The following ADGRL3 variants were observed in gnomAD, a reference collection of about 807,000 sequenced individuals.
ADGRL3 encodes calcium-independent alpha-latrotoxin receptor 3.
ADGRL3 carries 62 observed loss-of-function variants against 153.5 expected under a neutral mutation model. The ratio of observed to expected loss-of-function variants is 0.40; its 90% CI spans 0.33 to 0.50. The LOEUF is 0.50. Among genes scored for constraint, ADGRL3 ranks in the 20% least tolerant of loss-of-function variants. The pLI is 0.47. For missense variants in ADGRL3, 1,641 were observed against 1,859.4 expected, an observed-to-expected ratio of 0.88 and a Z score of 2.16; for synonymous variants, 710 against 672.5, an observed-to-expected ratio of 1.06 and a Z score of -0.86.
intron 21 of ADGRL3, among the ~76,000 whole-genome samples, chr4:62,021,110 G>A (rs549480876): frequency 5.3e-4 from 81 of 151,554 alleles, no homozygotes; most frequent in African/African-American, 1.8e-3. Context: ...ATACAGAATC[G>A]TGTATTTTTT....
chr4:61,612,611 C>T (rs1413205523), intron 5 of ADGRL3, among the ~76,000 whole-genome samples: 1 of 152,118 alleles, frequency 6.6e-6, no homozygotes, highest in African/African-American at 2.4e-5. Flanking sequence ...CACTAAAATA[C>T]TAAAAACACT....
chr4:61,259,516 G>A (rs151107944), intron 1 of ADGRL3, among the ~76,000 whole-genome samples: 2,552 of 152,106 alleles, frequency 0.017, 42 homozygotes, highest in Middle Eastern at 0.065. Context: ...TATTGGTCAG[G>A]CTTCTTCCTA....
intron 1 of ADGRL3, among the ~76,000 whole-genome samples, chr4:61,324,425 T>C (rs1418843736): frequency 1.3e-5 from 2 of 152,200 alleles, no homozygotes; most frequent in Non-Finnish European, 2.9e-5. Context: ...GCCTGATTTT[T>C]CCTGCTTTTC....
At chr4:61,827,070 A>G (rs1203258255) in intron 9 of ADGRL3, among the ~76,000 whole-genome samples, 1 of 152,232 alleles carries the variant, frequency 6.6e-6, no homozygotes, top group Non-Finnish European at 1.5e-5. Flanking sequence ...GTTTAGAAAC[A>G]GGCATATTCG....
intron 2 of ADGRL3, among the ~76,000 whole-genome samples, chr4:61,451,043 T>G (rs1167906111): frequency 2.0e-5 from 3 of 152,174 alleles, no homozygotes; most frequent in Non-Finnish European, 4.4e-5. Context: ...GAGCACTTAC[T>G]GTTTGCTGAT....
At chr4:61,236,280 G>C (rs952303394) in intron 1 of ADGRL3, among the ~76,000 whole-genome samples, 2 of 152,006 alleles carry the variant, frequency 1.3e-5, no homozygotes, top group African/African-American at 4.8e-5. Context: ...AAAGTGCTGG[G>C]ATTACAGGCT....
At chr4:61,373,767 C>G in intron 1 of ADGRL3, among the ~76,000 whole-genome samples, 1 of 152,032 alleles carries the variant, frequency 6.6e-6, no homozygotes, top group East Asian at 1.9e-4. Flanking sequence ...TTAAAAAGGT[C>G]TGTGGATGCA....
chr4:61,571,203 A>G (rs965570332), intron 4 of ADGRL3, among the ~76,000 whole-genome samples: 1 of 152,030 alleles, frequency 6.6e-6, no homozygotes, highest in African/African-American at 2.4e-5. Context: ...GGCTGGGTAC[A>G]GTGGCTCATG....
At chr4:61,632,711 A>T (rs1265121357) in intron 5 of ADGRL3, among the ~76,000 whole-genome samples, 1 of 152,186 alleles carries the variant, frequency 6.6e-6, no homozygotes, top group African/African-American at 2.4e-5. Context: ...TGTAATTACA[A>T]TAATTCTTAT....
intron 2 of ADGRL3, among the ~76,000 whole-genome samples, chr4:61,389,975 C>CTTTTG (rs2096783592): frequency 1.3e-5 from 2 of 152,074 alleles, no homozygotes; most frequent in South Asian, 4.1e-4. Flanking sequence ...TACAAAACAA[C>CTTTTG]AATAATACTT....
At chr4:61,527,899 C>T (rs956742488) in intron 4 of ADGRL3, among the ~76,000 whole-genome samples, 2 of 152,076 alleles carry the variant, frequency 1.3e-5, no homozygotes, top group African/African-American at 4.8e-5. Flanking sequence ...TCATACAGTT[C>T]CTGGTGCCTC....
chr4:61,756,425 G>T (rs574435055), intron 8 of ADGRL3, among the ~76,000 whole-genome samples: 1 of 152,112 alleles, frequency 6.6e-6, no homozygotes, highest in East Asian at 1.9e-4. Context: ...CTGTTTGTCT[G>T]TTATTGGTGT....
chr4:62,032,099 A>G (rs1341545323), intron 23 of ADGRL3, among the ~76,000 whole-genome samples: 1 of 151,486 alleles, frequency 6.6e-6, no homozygotes, highest in Non-Finnish European at 1.5e-5. Context: ...TACACAGCTT[A>G]TGGTAAAATA....
chr4:61,508,423 T>C (rs911807540), intron 3 of ADGRL3, among the ~76,000 whole-genome samples: 1 of 152,210 alleles, frequency 6.6e-6, no homozygotes, highest in African/African-American at 2.4e-5. Context: ...TTTATAAAGC[T>C]TTTGTAACAT....
chr4:61,975,984 T>C (rs145850702), intron 17 of ADGRL3, among the ~76,000 whole-genome samples: 11 of 152,256 alleles, frequency 7.2e-5, no homozygotes, highest in African/African-American at 2.4e-4. Flanking sequence ...GGAGATTAAA[T>C]GGGTGCTTAA....
chr4:61,221,554 G>A (rs1471560991), intron 1 of ADGRL3, among the ~76,000 whole-genome samples: 1 of 152,040 alleles, frequency 6.6e-6, no homozygotes, highest in East Asian at 1.9e-4. Flanking sequence ...TTAAGTTCTT[G>A]TTCTGGGTAA....
At chr4:61,320,359 A>G (rs1485413811) in intron 1 of ADGRL3, among the ~76,000 whole-genome samples, 1 of 152,226 alleles carries the variant, frequency 6.6e-6, no homozygotes, top group African/African-American at 2.4e-5. Flanking sequence ...TGTGTTAGTC[A>G]GAGTTCTTTA....
intron 2 of ADGRL3, among the ~76,000 whole-genome samples, chr4:61,432,252 A>T (rs1021125300): frequency 2.6e-5 from 4 of 152,230 alleles, no homozygotes; most frequent in African/African-American, 9.6e-5. Flanking sequence ...ATGTCATATT[A>T]GCCTGGTTAT....
intron 9 of ADGRL3, among the ~76,000 whole-genome samples, chr4:61,828,083 G>T (rs922581882): frequency 3.9e-5 from 6 of 152,304 alleles, no homozygotes; most frequent in Middle Eastern, 3.4e-3. Flanking sequence ...AAGCATGCCT[G>T]CCAGAATTTA....
Sources: gnomAD v4.1 joint callset for allele counts (sites outside exome capture counted in the v4.1 genomes callset) on GRCh38, gnomAD v4.1.1 for gene constraint, MANE v1.5 for transcripts, NCBI Gene and HGNC (gene_info 2026-07-23, HGNC 2026-07-21) for gene names.